Variants in GRK4 observed in about 807,000 individuals in gnomAD.
GRK4 encodes the protein G protein-coupled receptor kinase 4.
Under a neutral mutation model 77.9 loss-of-function variants are expected in GRK4, and 73 were observed. The ratio of observed to expected loss-of-function variants is 0.94; its 90% CI spans 0.78 to 1.14. The LOEUF (loss-of-function observed/expected upper bound fraction) is 1.14. Ranked by LOEUF, GRK4 falls within the 50% of genes most tolerant of loss-of-function variation. The pLI is 0.00. For missense variants in GRK4, 729 were observed against 700.2 expected, an observed-to-expected ratio of 1.04 and a Z score of -0.46; for synonymous variants, 257 against 254.4, an observed-to-expected ratio of 1.01 and a Z score of -0.10.
rs1245640465 is a variant in GRK4 at position 3,022,443 on chromosome 4, A to G, written c.962A>G (p.Asp321Gly). 3 of 1,613,930 alleles carry G rather than the reference A, an allele frequency of 1.9e-6. No homozygotes were observed. The highest frequency in any genetic ancestry group is 4.5e-5 in the East Asian group (2 of 44,890). The stretch of plus-strand genomic sequence containing the variant: ...TTGAAGCCTGAGAATATTCTCCTTG[A>G]TGATCGTGGTAAGTGGGCAAGCCTT... Reference protein sequence around the residue: ...RDLKPENILLDDRGHIRISDL... With the variant: ...RDLKPENILLGDRGHIRISDL... Residue 321 changes from aspartate to glycine, a missense_variant, in exon 10 of 16, where the codon GAT (aspartate) becomes GGT (glycine). Transcript: ENST00000398052.
intron 10 of GRK4, among the ~76,000 whole-genome samples, chr4:3,024,787 G>A (rs1323362211): frequency 5.9e-5 from 9 of 152,134 alleles, no homozygotes; most frequent in Admixed American, 5.2e-4. Flanking sequence ...GAACCCGGGC[G>A]GCAGAGGTTG....
intron 1 of GRK4, among the ~76,000 whole-genome samples, chr4:2,972,486 G>A (rs547092903): frequency 6.6e-6 from 1 of 152,134 alleles, no homozygotes; most frequent in Non-Finnish European, 1.5e-5. Flanking sequence ...GAGGGGTAGA[G>A]TGGCGCTAGG....
chr4:3,037,597 GTGTC>G, intron 14 of GRK4, 86 bp downstream of exon 14: 2 of 1,428,838 alleles, frequency 1.4e-6, no homozygotes, highest in Non-Finnish European at 1.9e-6. Context: ...GTGTGTGTGT[GTGTC>G]TGTGTGTATT....
intron 12 of GRK4, among the ~76,000 whole-genome samples, chr4:3,032,511 G>A (rs772487232): frequency 2.2e-4 from 34 of 152,180 alleles, no homozygotes; most frequent in Non-Finnish European, 4.0e-4. Flanking sequence ...GATGCAATGG[G>A]TGTCGTAAGT....
chr4:3,015,452 G>A (rs922062128), intron 8 of GRK4, among the ~76,000 whole-genome samples: 4 of 151,850 alleles, frequency 2.6e-5, no homozygotes, highest in Non-Finnish European at 5.9e-5. Flanking sequence ...TTGGGAGGCC[G>A]AGGCAGGCGT....
chr4:2,990,641 A>C (rs930671125), intron 3 of GRK4, among the ~76,000 whole-genome samples: 2 of 152,132 alleles, frequency 1.3e-5, no homozygotes, highest in Non-Finnish European at 2.9e-5. Context: ...GTAAGTTCTC[A>C]TGTAGTGGGT....
At chr4:2,977,592 G>A (rs1440910571) in intron 1 of GRK4, among the ~76,000 whole-genome samples, 2 of 152,190 alleles carry the variant, frequency 1.3e-5, no homozygotes, top group East Asian at 1.9e-4. Flanking sequence ...CGTTGAGGGC[G>A]GTCAGGGAGG....
At chr4:3,007,652 C>G in intron 5 of GRK4, 84 bp from the exon 6 acceptor site, 4 of 722,366 alleles carry the variant, frequency 5.5e-6, no homozygotes, top group Non-Finnish European at 9.0e-6. Context: ...TTCCCATATT[C>G]AGTGCCTATT....
rs751826668 is a variant in GRK4 at position 3,022,408 on chromosome 4, T to C, written c.933-6T>C. The C allele has an allele frequency of 1.2e-5, 19 of 1,613,674 alleles. No homozygotes were observed. Among genetic ancestry groups the C allele is most frequent in the Middle Eastern group, 1.6e-4 (1 of 6,084 alleles). On this transcript the variant is annotated splice_polypyrimidine_tract_variant and splice_region_variant and intron_variant, in intron 9 of 15. Coordinates refer to ENST00000398052, the MANE Select transcript of GRK4 (RefSeq NM_182982.3). ...TAATTGGGCCTTTTGTTGTTGTTTC[T>C]TGTAGAGACTTGAAGCCTGAGAATA... is the stretch of plus-strand genomic sequence containing the variant.
intron 6 of GRK4, among the ~76,000 whole-genome samples, chr4:3,008,310 G>A (rs139152549): frequency 3.3e-5 from 5 of 152,294 alleles, no homozygotes; most frequent in Non-Finnish European, 7.3e-5. Flanking sequence ...GTGGGACCTG[G>A]CAGTTAAACC....
chr4:3,031,310 C>G (rs752879331), intron 12 of GRK4, among the ~76,000 whole-genome samples: 2 of 151,998 alleles, frequency 1.3e-5, no homozygotes, highest in Non-Finnish European at 2.9e-5. Context: ...TAGTGGGGAG[C>G]AAAGGTGGGA....
intron 9 of GRK4, 23 bp from the exon 10 acceptor site, chr4:3,022,391 C>G (rs568346977): frequency 3.8e-5 from 61 of 1,611,424 alleles, no homozygotes; most frequent in Non-Finnish European, 4.8e-5. Flanking sequence ...AATAATTGGG[C>G]CTTTTGTTGT....
chr4:2,985,188 G>A (rs186118143), intron 2 of GRK4, among the ~76,000 whole-genome samples: 113 of 151,748 alleles, frequency 7.4e-4, no homozygotes, highest in African/African-American at 2.6e-3. Flanking sequence ...CGAGGTGGGC[G>A]GATCACGAGG....
intron 12 of GRK4, among the ~76,000 whole-genome samples, chr4:3,031,273 GCTT>G (rs1739091211): frequency 6.6e-6 from 1 of 152,186 alleles, no homozygotes; most frequent in African/African-American, 2.4e-5. Flanking sequence ...CTCTTATGGA[GCTT>G]CTTTTTCTCA....
intron 1 of GRK4, among the ~76,000 whole-genome samples, chr4:2,979,757 TG>T (rs2109507722): frequency 6.6e-6 from 1 of 152,256 alleles, no homozygotes; most frequent in South Asian, 2.1e-4. Context: ...TGCATGCTTG[TG>T]GTCCCAGCTG....
intron 4 of GRK4, among the ~76,000 whole-genome samples, chr4:2,997,322 A>T (rs1049105443): frequency 6.6e-6 from 1 of 152,220 alleles, no homozygotes; most frequent in Non-Finnish European, 1.5e-5. Flanking sequence ...TAAAATATTT[A>T]AAAACCACAT....
At chr4:2,974,076 C>T (rs1720404125) in intron 1 of GRK4, among the ~76,000 whole-genome samples, 2 of 152,164 alleles carry the variant, frequency 1.3e-5, no homozygotes, top group African/African-American at 4.8e-5. Flanking sequence ...CCTCGGACTC[C>T]CGGGCTCAAG....
At chr4:3,027,134 G>A (rs1370155459) in intron 10 of GRK4, among the ~76,000 whole-genome samples, 5 of 152,096 alleles carry the variant, frequency 3.3e-5, no homozygotes, top group Non-Finnish European at 5.9e-5. Flanking sequence ...CGACCTTCTG[G>A]GCTTAAGCGA....
intron 10 of GRK4, among the ~76,000 whole-genome samples, chr4:3,025,270 CAAAAAAAAAAA>C (rs1210467737): frequency 3.0e-5 from 2 of 66,694 alleles, no homozygotes; most frequent in African/African-American, 4.3e-5. Flanking sequence ...GACTCTGTCT[CAAAAAAAAAAA>C]AAAAAAAAGT....
Sources: gnomAD v4.1 joint callset for allele counts (sites outside exome capture counted in the v4.1 genomes callset) on GRCh38, gnomAD v4.1.1 for gene constraint, MANE v1.5 for transcripts, NCBI Gene and HGNC (gene_info 2026-07-23, HGNC 2026-07-21) for gene names.